Variants in SH3KBP1 observed in about 807,000 individuals in gnomAD.
The protein encoded by SH3KBP1 is SH3 domain-containing kinase-binding protein 1.
In SH3KBP1, 8 loss-of-function variants were observed where a neutral mutation model predicts 50.1. The ratio of observed to expected loss-of-function variants is 0.16; its 90% CI spans 0.09 to 0.29. The LOEUF (loss-of-function observed/expected upper bound fraction) is 0.29. Among genes scored for constraint, SH3KBP1 ranks in the 10% least tolerant of loss-of-function variants. SH3KBP1 has a pLI of 1.00. For synonymous variants in SH3KBP1, 227 were observed against 218.6 expected, an observed-to-expected ratio of 1.04 and a Z score of -0.34; for missense variants, 377 against 535.2, an observed-to-expected ratio of 0.70 and a Z score of 2.92.
In SH3KBP1 at chrX:19,703,744, G is replaced by GTGTGTA. The variant is rs1569429382; in HGVS notation, c.390+3136_390+3137insTACACA. ...TGTGTGTGTGTGTGTGTGTGTGTGT[G>GTGTGTA]TGTGTGTGTGTGTGTACAGCTTTGC... On this transcript the variant is annotated intron_variant, in intron 4 of 17. Transcript: ENST00000397821. Among the ~76,000 whole-genome samples, 4 of 100,460 alleles carry GTGTGTA rather than the reference G, an allele frequency of 4.0e-5. No individual in the cohort carries two copies. In the East Asian group the frequency reaches 1.3e-3, roughly 32 times the overall value. 87.2% of individuals were successfully genotyped at this position (100,460 alleles called of 115,157 possible).
At chrX:19,806,739 T>C (rs1024828036) in intron 2 of SH3KBP1, among the ~76,000 whole-genome samples, 1 of 112,167 alleles carries the variant, frequency 8.9e-6, no homozygotes, top group South Asian at 3.7e-4. Flanking sequence ...TAAGCACTCA[T>C]GACAAATGAA....
At chrX:19,707,812 G>T (rs1211850984) in intron 3 of SH3KBP1, among the ~76,000 whole-genome samples, 1 of 104,541 alleles carries the variant, frequency 9.6e-6, no homozygotes, top group Non-Finnish European at 1.9e-5. Flanking sequence ...GAGAAAGAAC[G>T]TGTATGGGGG....
At chrX:19,837,753 T>A (rs1336133118) in intron 1 of SH3KBP1, among the ~76,000 whole-genome samples, 1 of 111,132 alleles carries the variant, frequency 9.0e-6, no homozygotes, top group Admixed American at 9.7e-5. Flanking sequence ...CTTTTCCTTT[T>A]TTATTTGCAG....
chrX:19,759,292 C>T (rs1376704286), intron 2 of SH3KBP1, among the ~76,000 whole-genome samples: 3 of 111,489 alleles, frequency 2.7e-5, no homozygotes, highest in Non-Finnish European at 3.8e-5. Flanking sequence ...CCCATTCCTT[C>T]ACTCCCTAAG....
intron 12 of SH3KBP1, among the ~76,000 whole-genome samples, chrX:19,574,761 C>A (rs764620234): frequency 8.9e-6 from 1 of 112,262 alleles, no homozygotes; most frequent in African/African-American, 3.2e-5. Flanking sequence ...ATAGTGTCAA[C>A]GCTTTTTAAA....
chrX:19,650,096 C>CAG lies in SH3KBP1; in HGVS notation c.727-4623_727-4622dup, dbSNP rs1049499276. 8.8e-4 allele frequency among the ~76,000 whole-genome samples: 97 copies of CAG among 110,307 alleles called. 1 individual carries two copies. The highest frequency in any genetic ancestry group is 2.9e-3 in the African/African-American group (89 of 30,525). On this transcript the variant is annotated intron_variant, in intron 6 of 17. Transcript: ENST00000397821. Reference sequence around the variant, plus strand: ...AGCCAGGTTCAATGGGTAGTGGGAGCAGAGAGAGAGAGAGCTCCTTGCATT... The same window carrying CAG: ...AGCCAGGTTCAATGGGTAGTGGGAGCAGAGAGAGAGAGAGAGCTCCTTGCATT...
intron 12 of SH3KBP1, among the ~76,000 whole-genome samples, chrX:19,587,083 G>A (rs964241219): frequency 6.3e-4 from 69 of 110,199 alleles, no homozygotes; most frequent in African/African-American, 2.2e-3. Flanking sequence ...TTAGCCAGGC[G>A]TGGTGGCACA....
intron 7 of SH3KBP1, among the ~76,000 whole-genome samples, chrX:19,635,211 C>T (rs1569363940): frequency 8.9e-6 from 1 of 111,836 alleles, no homozygotes; most frequent in African/African-American, 3.3e-5. Flanking sequence ...AAATGTGGTA[C>T]ATATACACCA....
intron 14 of SH3KBP1, 52 bp downstream of exon 14, chrX:19,549,922 G>T: frequency 2.1e-6 from 2 of 933,049 alleles, no homozygotes; most frequent in Non-Finnish European, 3.1e-6. Flanking sequence ...AATCTGTCCT[G>T]CTTTTCCGCT....
intron 6 of SH3KBP1, among the ~76,000 whole-genome samples, chrX:19,646,700 C>T (rs760538741): frequency 3.6e-5 from 4 of 112,662 alleles, no homozygotes; most frequent in African/African-American, 1.3e-4. Context: ...ATGCTTCAAA[C>T]GTTGAACCCA....
intron 6 of SH3KBP1, among the ~76,000 whole-genome samples, chrX:19,681,758 A>G (rs1325024702): frequency 9.0e-6 from 1 of 111,388 alleles, no homozygotes; most frequent in African/African-American, 3.3e-5. Context: ...GTGAAGGGAG[A>G]GCAGTGGGGG....
chrX:19,854,272 C>T (rs1039149917), intron 1 of SH3KBP1, among the ~76,000 whole-genome samples: 4 of 110,247 alleles, frequency 3.6e-5, no homozygotes, highest in African/African-American at 1.3e-4. Flanking sequence ...TGTGCCATCA[C>T]GCCCGGTTAA....
intron 2 of SH3KBP1, among the ~76,000 whole-genome samples, chrX:19,822,505 T>TA (rs1488001123): frequency 1.8e-5 from 2 of 112,378 alleles, no homozygotes; most frequent in South Asian, 3.6e-4. Flanking sequence ...CTTCCATTTT[T>TA]AAAAAACCTA....
At chrX:19,635,234 C>T (rs1223935720) in intron 7 of SH3KBP1, among the ~76,000 whole-genome samples, 1 of 111,687 alleles carries the variant, frequency 9.0e-6, no homozygotes, top group Non-Finnish European at 1.9e-5. Flanking sequence ...GAATACTATG[C>T]AGCCATAAAA....
At chrX:19,880,730 C>T in intron 1 of SH3KBP1, among the ~76,000 whole-genome samples, 1 of 110,970 alleles carries the variant, frequency 9.0e-6, no homozygotes, top group East Asian at 2.8e-4. Context: ...ACCAGGCATC[C>T]TGAGAAGGGG....
chrX:19,748,687 A>G (rs1401850472), intron 2 of SH3KBP1, among the ~76,000 whole-genome samples: 1 of 111,246 alleles, frequency 9.0e-6, no homozygotes, highest in Admixed American at 9.5e-5. Context: ...AATCGGACAC[A>G]TGGCCGTGGC....
intron 12 of SH3KBP1, among the ~76,000 whole-genome samples, chrX:19,577,738 A>AC (rs1273304453): frequency 1.0e-5 from 1 of 96,685 alleles, no homozygotes; most frequent in African/African-American, 4.6e-5. Context: ...CAGCAGCCAC[A>AC]AAAAAAAAAA....
At chrX:19,879,501 T>C (rs189341582) in intron 1 of SH3KBP1, among the ~76,000 whole-genome samples, 1 of 111,367 alleles carries the variant, frequency 9.0e-6, no homozygotes, top group African/African-American at 3.3e-5. Flanking sequence ...GACCAATATG[T>C]GAGTAGCAGA....
intron 3 of SH3KBP1, among the ~76,000 whole-genome samples, chrX:19,732,596 TACACACACACACACACAC>T (rs60032683): frequency 3.3e-5 from 3 of 90,748 alleles, no homozygotes; most frequent in South Asian, 1.2e-3. Flanking sequence ...TAAAAATCCC[TACACACACACACACACAC>T]ACACACACAC....
Sources: allele counts gnomAD v4.1 joint callset (sites outside exome capture counted in the v4.1 genomes callset), GRCh38; gene constraint gnomAD v4.1.1; transcripts MANE v1.5; gene names NCBI Gene and HGNC (gene_info 2026-07-23, HGNC 2026-07-21).